The following NRG3 variants were observed in gnomAD, a reference collection of about 807,000 sequenced individuals.
NRG3 encodes pro-neuregulin-3, membrane-bound isoform.
A neutral mutation model predicts 66.9 loss-of-function variants in NRG3; 31 were observed. That is an observed-to-expected ratio of 0.46 (90% CI 0.35 to 0.63). NRG3 has a LOEUF of 0.63. Ranked by LOEUF, NRG3 falls within the 20% of genes least tolerant of loss-of-function variation. The pLI is 0.00. For missense variants in NRG3, 910 were observed against 878.9 expected (o/e 1.04, Z -0.45); for synonymous variants, 393 against 359.4 (o/e 1.09, Z -1.06).
chr10:82,199,192 GAAA>G (rs149470915), intron 1 of NRG3, among the ~76,000 whole-genome samples: 1 of 144,334 alleles, frequency 6.9e-6, no homozygotes, highest in African/African-American at 2.5e-5. Flanking sequence ...AAAAAGAAAA[GAAA>G]AAAAAATAAC....
At chr10:82,785,238 A>T (rs2060302801) in intron 3 of NRG3, among the ~76,000 whole-genome samples, 1 of 152,012 alleles carries the variant, frequency 6.6e-6, no homozygotes, top group African/African-American at 2.4e-5. Context: ...TAGCATTAGG[A>T]GATATACCTA....
intron 2 of NRG3, among the ~76,000 whole-genome samples, chr10:82,402,302 C>G (rs544474669): frequency 6.6e-6 from 1 of 152,098 alleles, no homozygotes; most frequent in African/African-American, 2.4e-5. Flanking sequence ...CCACAATATT[C>G]AGCCATGAAC....
chr10:82,766,167 A>G (rs1466273893), intron 3 of NRG3, among the ~76,000 whole-genome samples: 1 of 152,144 alleles, frequency 6.6e-6, no homozygotes, highest in Non-Finnish European at 1.5e-5. Flanking sequence ...ATTTGTTGAT[A>G]TTTTCTTGAT....
At chr10:81,877,902 G>T in intron 1 of NRG3, 1 of 1,535,474 alleles carries the variant, frequency 6.5e-7, no homozygotes, top group South Asian at 1.2e-5. Flanking sequence ...GATTGAAAAT[G>T]AGTCTACCCT....
chr10:82,462,754 A>G (rs2091579206), intron 2 of NRG3, among the ~76,000 whole-genome samples: 1 of 152,170 alleles, frequency 6.6e-6, no homozygotes, highest in Non-Finnish European at 1.5e-5. Context: ...GTGCTGTAAG[A>G]ATAGTTTTGG....
chr10:82,241,525 C>A (rs2077008052), intron 1 of NRG3, among the ~76,000 whole-genome samples: 3 of 152,018 alleles, frequency 2.0e-5, no homozygotes, highest in Non-Finnish European at 2.9e-5. Flanking sequence ...AAGGAAGACA[C>A]CTTGTTTGTT....
At chr10:82,321,309 G>GC (rs1554884238) in intron 1 of NRG3, among the ~76,000 whole-genome samples, 3 of 151,410 alleles carry the variant, frequency 2.0e-5, no homozygotes, top group East Asian at 3.9e-4. Context: ...GGTGGGGGTG[G>GC]GGGTCAGGGA....
intron 6 of NRG3, among the ~76,000 whole-genome samples, chr10:82,966,414 G>T (rs866100973): frequency 1.6e-4 from 24 of 151,870 alleles, no homozygotes; most frequent in Admixed American, 7.2e-4. Flanking sequence ...GATTACATGG[G>T]GTTTACTGGT....
At chr10:82,094,708 CAG>C (rs1378079531) in intron 1 of NRG3, among the ~76,000 whole-genome samples, 4 of 152,030 alleles carry the variant, frequency 2.6e-5, no homozygotes, top group African/African-American at 9.7e-5. Flanking sequence ...GCCATTAAAA[CAG>C]GGTGAAATCA....
chr10:81,879,429 C>G (rs1478531919), intron 1 of NRG3, among the ~76,000 whole-genome samples: 2 of 152,268 alleles, frequency 1.3e-5, no homozygotes, highest in East Asian at 3.9e-4. Context: ...TATAGTTGTA[C>G]AATGCTGCCA....
chr10:82,259,586 T>C lies in NRG3; in HGVS notation c.824-99153T>C, dbSNP rs1346626691. ...TTAAGTAAAAAGTAGTATAATAAAA[T>C]GGCAGCAGAACAACTAGGATGGAGT... On this transcript the variant is annotated intron_variant, in intron 1 of 8. Transcript: ENST00000372141. 3.3e-5 allele frequency among the ~76,000 whole-genome samples: 5 copies of C among 152,240 alleles called. No homozygotes were observed. In the East Asian group the frequency reaches 7.7e-4, roughly 24 times the overall value.
At chr10:82,870,069 C>A (rs1054164363) in intron 4 of NRG3, among the ~76,000 whole-genome samples, 2 of 145,658 alleles carry the variant, frequency 1.4e-5, no homozygotes, top group Non-Finnish European at 3.0e-5. Context: ...GGGGTTTCAC[C>A]GTGTTAGCCA....
intron 1 of NRG3, among the ~76,000 whole-genome samples, chr10:82,119,234 A>G (rs1236724606): frequency 2.6e-5 from 4 of 152,176 alleles, no homozygotes; most frequent in African/African-American, 9.6e-5. Context: ...AACCATATTT[A>G]CCATGCTGTG....
intron 2 of NRG3, among the ~76,000 whole-genome samples, chr10:82,511,865 A>T (rs1565009006): frequency 6.6e-6 from 1 of 152,280 alleles, no homozygotes; most frequent in Non-Finnish European, 1.5e-5. Flanking sequence ...AGAGAAAAAA[A>T]AAAAAGATTT....
At chr10:82,545,739 C>T (rs754301284) in intron 2 of NRG3, among the ~76,000 whole-genome samples, 1 of 149,046 alleles carries the variant, frequency 6.7e-6, no homozygotes, top group Non-Finnish European at 1.5e-5. Flanking sequence ...TTTCTTGCAG[C>T]ATAACAGACG....
At chr10:82,283,771 T>A (rs569875238) in intron 1 of NRG3, among the ~76,000 whole-genome samples, 1 of 152,272 alleles carries the variant, frequency 6.6e-6, no homozygotes, top group African/African-American at 2.4e-5. Flanking sequence ...TCACAGGGCA[T>A]CATTTCTGCA....
intron 3 of NRG3, among the ~76,000 whole-genome samples, chr10:82,764,657 T>C (rs1315589904): frequency 6.6e-6 from 1 of 152,110 alleles, no homozygotes; most frequent in African/African-American, 2.4e-5. Flanking sequence ...AGTACAGGCA[T>C]GAGCCACCAC....
chr10:82,235,978 A>G (rs2076730583), intron 1 of NRG3, among the ~76,000 whole-genome samples: 1 of 152,010 alleles, frequency 6.6e-6, no homozygotes, highest in Admixed American at 6.6e-5. Flanking sequence ...ACACACACAC[A>G]TAGACACGCA....
intron 2 of NRG3, among the ~76,000 whole-genome samples, chr10:82,598,503 T>C (rs2047420837): frequency 6.6e-6 from 1 of 152,140 alleles, no homozygotes; most frequent in Non-Finnish European, 1.5e-5. Flanking sequence ...CACATGACAT[T>C]GAGAAGTCTG....
Sources: allele counts gnomAD v4.1 joint callset (sites outside exome capture counted in the v4.1 genomes callset), GRCh38; gene constraint gnomAD v4.1.1; transcripts MANE v1.5; gene names NCBI Gene and HGNC (gene_info 2026-07-23, HGNC 2026-07-21).